Variants in NRXN1 observed in about 807,000 individuals in gnomAD.
The protein encoded by NRXN1 is neurexin 1.
In NRXN1, 39 loss-of-function variants were observed where a neutral mutation model predicts 150.9. The ratio of observed to expected loss-of-function variants is 0.26; its 90% CI spans 0.20 to 0.34. The LOEUF (loss-of-function observed/expected upper bound fraction) is 0.34, where lower values mean the gene tolerates loss of function less well. NRXN1 is among the 10% of genes least tolerant of loss of function. NRXN1 has a pLI of 1.00. For synonymous variants in NRXN1, 924 were observed against 757.0 expected (o/e 1.22, Z -3.62); for missense variants, 1,815 against 1,949.9 (o/e 0.93, Z 1.30).
intron 21 of NRXN1, among the ~76,000 whole-genome samples, chr2:50,001,988 C>T (rs1313440121): frequency 6.6e-6 from 1 of 151,950 alleles, no homozygotes; most frequent in Non-Finnish European, 1.5e-5. Context: ...GGTCCTATGG[C>T]AGGCAGCCTC....
intron 5 of NRXN1, among the ~76,000 whole-genome samples, chr2:50,712,774 A>G (rs996109605): frequency 1.3e-5 from 2 of 152,110 alleles, no homozygotes; most frequent in African/African-American, 4.8e-5. Flanking sequence ...GTGTAACCTC[A>G]TGACTGCAGC....
At chr2:50,995,969 C>T (rs888242) in intron 2 of NRXN1, among the ~76,000 whole-genome samples, 98,470 of 151,858 alleles carry the variant, frequency 0.65, 32,582 homozygotes, top group African/African-American at 0.77. Context: ...TAAGTATTTA[C>T]ATAGGTTATC....
chr2:50,694,962 G>C (rs1055826984), intron 5 of NRXN1, among the ~76,000 whole-genome samples: 2 of 152,088 alleles, frequency 1.3e-5, no homozygotes, highest in African/African-American at 4.8e-5. Flanking sequence ...TTATCTCATA[G>C]CCAAATCACC....
chr2:50,271,517 T>TG (rs1165764446), intron 17 of NRXN1, among the ~76,000 whole-genome samples: 2 of 152,158 alleles, frequency 1.3e-5, no homozygotes. Flanking sequence ...TTACTGAAAA[T>TG]GGTGCTTTCT....
chr2:50,361,571 C>A (rs967471402), intron 17 of NRXN1, among the ~76,000 whole-genome samples: 4 of 152,036 alleles, frequency 2.6e-5, no homozygotes, highest in African/African-American at 9.7e-5. Context: ...AGGAAGAAGT[C>A]GAATCCTTGA....
intron 17 of NRXN1, among the ~76,000 whole-genome samples, chr2:50,412,975 A>T (rs1369562937): frequency 6.6e-6 from 1 of 152,210 alleles, no homozygotes; most frequent in East Asian, 1.9e-4. Context: ...CAAACTATGA[A>T]ATTACTACAA....
intron 19 of NRXN1, among the ~76,000 whole-genome samples, chr2:50,075,614 A>G (rs1046883641): frequency 1.3e-5 from 2 of 152,202 alleles, no homozygotes; most frequent in South Asian, 4.1e-4. Flanking sequence ...GTTTGTTCCT[A>G]TTATATAGGA....
chr2:50,517,976 C>T (rs2092677867), intron 12 of NRXN1, among the ~76,000 whole-genome samples: 1 of 152,082 alleles, frequency 6.6e-6, no homozygotes, highest in South Asian at 2.1e-4. Context: ...ATTGCCTATG[C>T]AAACGAATAA....
At chr2:50,296,076 A>C (rs932425514) in intron 17 of NRXN1, among the ~76,000 whole-genome samples, 1 of 152,242 alleles carries the variant, frequency 6.6e-6, no homozygotes, top group Non-Finnish European at 1.5e-5. Context: ...TGGGCACGGC[A>C]TTTCTAGGCA....
intron 2 of NRXN1, among the ~76,000 whole-genome samples, chr2:50,980,640 A>G (rs1360351417): frequency 6.6e-6 from 1 of 152,136 alleles, no homozygotes; most frequent in Non-Finnish European, 1.5e-5. Flanking sequence ...AGGGGAGTAA[A>G]TAAATGTACA....
chr2:50,335,218 T>A (rs976469247), intron 17 of NRXN1, among the ~76,000 whole-genome samples: 1 of 152,222 alleles, frequency 6.6e-6, no homozygotes, highest in Non-Finnish European at 1.5e-5. Context: ...GTTTTAAAAA[T>A]TGATAATTAA....
intron 16 of NRXN1, 101 bp from the exon 17 acceptor site, chr2:50,465,662 A>G (rs1303542717): frequency 9.4e-6 from 12 of 1,273,174 alleles, no homozygotes; most frequent in Middle Eastern, 2.0e-4. Context: ...ACCACAGATG[A>G]TATGTCCAAA....
intron 17 of NRXN1, among the ~76,000 whole-genome samples, chr2:50,280,320 A>G (rs1384601569): frequency 6.6e-6 from 1 of 151,798 alleles, no homozygotes; most frequent in African/African-American, 2.4e-5. Context: ...TCAACTATTC[A>G]CTTTAAAAAT....
rs572750788 is a variant in NRXN1, at chr2:50,836,679, C to T, written c.832+85190G>A. Among the ~76,000 whole-genome samples, 31 of 152,122 alleles carry T rather than the reference C, an allele frequency of 2.0e-4. No individual in the cohort carries two copies. In the East Asian group the frequency reaches 5.8e-3, roughly 29 times the overall value. ...CCCCTTTTAAGGCTGAATAGTATTTCATTATGCATATATACCACATTTTTT... is the reference window on the plus strand; with the variant it reads ...CCCCTTTTAAGGCTGAATAGTATTTTATTATGCATATATACCACATTTTTT... On this transcript the variant is annotated intron_variant, in intron 5 of 22. Coordinates refer to ENST00000401669, the MANE Select transcript of NRXN1 (RefSeq NM_001330078.2).
chr2:50,371,877 A>G (rs2080055602), intron 17 of NRXN1, among the ~76,000 whole-genome samples: 1 of 152,078 alleles, frequency 6.6e-6, no homozygotes, highest in African/African-American at 2.4e-5. Context: ...GATGGATAGC[A>G]TGCAAACTCT....
intron 17 of NRXN1, among the ~76,000 whole-genome samples, chr2:50,309,519 C>T (rs543862688): frequency 6.6e-6 from 1 of 152,308 alleles, no homozygotes; most frequent in South Asian, 2.1e-4. Flanking sequence ...GACTTTTCCC[C>T]TGTATGTCAT....
chr2:50,279,667 G>A (rs923894338), intron 17 of NRXN1, among the ~76,000 whole-genome samples: 5 of 152,062 alleles, frequency 3.3e-5, no homozygotes, highest in African/African-American at 1.2e-4. Context: ...TTTTACTAAA[G>A]ACAGCCACAA....
At chr2:50,922,189 A>C (rs907667984) in intron 4 of NRXN1, among the ~76,000 whole-genome samples, 21 of 151,836 alleles carry the variant, frequency 1.4e-4, no homozygotes, top group Non-Finnish European at 2.1e-4. Flanking sequence ...TCTGTGGAAC[A>C]CTATACTCAG....
Position 50,969,163 on chromosome 2 carries a change from C to T in NRXN1, c.773-43208G>A, listed in dbSNP as rs371790576. Among the ~76,000 whole-genome samples the T allele has an allele frequency of 5.1e-4, 78 of 152,196 alleles. 3 individuals carry two copies. The South Asian group carries it at 0.015, about 29-fold the overall frequency. On this transcript the variant is annotated intron_variant, in intron 2 of 22. Coordinates refer to ENST00000401669, the MANE Select transcript of NRXN1 (RefSeq NM_001330078.2). ...TCCTCAGAGATACCTTGCCGGATGA[C>T]GCAACTGAAAGTCAGACATGCTCTT...
Sources: gnomAD v4.1 joint callset for allele counts (sites outside exome capture counted in the v4.1 genomes callset) on GRCh38, gnomAD v4.1.1 for gene constraint, MANE v1.5 for transcripts, NCBI Gene and HGNC (gene_info 2026-07-23, HGNC 2026-07-21) for gene names.